The following PLXDC2 variants were observed in gnomAD, a reference collection of about 807,000 sequenced individuals.
The protein encoded by PLXDC2 is plexin domain-containing protein 2.
In PLXDC2, 40 loss-of-function variants were observed where a neutral mutation model predicts 68.9. The observed-to-expected ratio is 0.58, with a 90% CI of 0.45 to 0.76. The LOEUF (loss-of-function observed/expected upper bound fraction) is 0.76. PLXDC2 is among the 30% of genes least tolerant of loss of function. The pLI, the probability that PLXDC2 is intolerant of heterozygous loss-of-function variation, is 0.00. For synonymous variants in PLXDC2, 243 were observed against 234.2 expected (o/e 1.04, Z -0.34); for missense variants, 644 against 661.9 (o/e 0.97, Z 0.30).
chr10:20,174,266 A>G (rs894438469), intron 7 of PLXDC2, among the ~76,000 whole-genome samples: 1 of 151,970 alleles, frequency 6.6e-6, no homozygotes, highest in African/African-American at 2.4e-5. Flanking sequence ...TACTATTTAG[A>G]CACAGACAGA....
intron 6 of PLXDC2, among the ~76,000 whole-genome samples, chr10:20,149,928 T>G (rs1834130676): frequency 6.6e-6 from 1 of 152,180 alleles, no homozygotes; most frequent in Non-Finnish European, 1.5e-5. Context: ...ATTCTTTTAA[T>G]TAATAGAGTT....
intron 4 of PLXDC2, among the ~76,000 whole-genome samples, chr10:20,141,568 T>A (rs866817932): frequency 3.3e-5 from 5 of 152,050 alleles, no homozygotes; most frequent in South Asian, 4.1e-4. Context: ...AATTCAAACA[T>A]TTCTCTTCAG....
intron 1 of PLXDC2, among the ~76,000 whole-genome samples, chr10:19,983,992 C>T (rs1017988183): frequency 6.6e-6 from 1 of 152,192 alleles, no homozygotes; most frequent in African/African-American, 2.4e-5. Flanking sequence ...GGTGATACGT[C>T]AGTTTAAATG....
At chr10:20,018,381 T>C (rs12770092) in intron 2 of PLXDC2, among the ~76,000 whole-genome samples, 26,813 of 152,216 alleles carry the variant, frequency 0.18, 2,582 homozygotes, top group Non-Finnish European at 0.22. Context: ...CCTATACTTA[T>C]TTTATTTAAG....
At chr10:19,908,901 T>A (rs1364814155) in intron 1 of PLXDC2, among the ~76,000 whole-genome samples, 1 of 152,208 alleles carries the variant, frequency 6.6e-6, no homozygotes, top group Non-Finnish European at 1.5e-5. Context: ...TGAGCATTGC[T>A]ATATTAAGAC....
At chr10:20,226,383 G>A (rs1180139106) in intron 12 of PLXDC2, among the ~76,000 whole-genome samples, 1 of 152,160 alleles carries the variant, frequency 6.6e-6, no homozygotes, top group African/African-American at 2.4e-5. Flanking sequence ...GTGTGGCCCA[G>A]GGAGGCCAAA....
At chr10:20,108,140 A>C (rs567286828) in intron 4 of PLXDC2, among the ~76,000 whole-genome samples, 1 of 152,312 alleles carries the variant, frequency 6.6e-6, no homozygotes, top group Admixed American at 6.5e-5. Flanking sequence ...TTGAATGAAA[A>C]ATCCGTCGGC....
intron 13 of PLXDC2, among the ~76,000 whole-genome samples, chr10:20,264,802 CTGGA>C (rs1245226911): frequency 6.6e-6 from 1 of 151,724 alleles, no homozygotes; most frequent in Non-Finnish European, 1.5e-5. Flanking sequence ...GCTTCAACAT[CTGGA>C]TAATAGGAAA....
chr10:20,188,787 A>G (rs1466430300), intron 9 of PLXDC2, among the ~76,000 whole-genome samples: 2 of 151,832 alleles, frequency 1.3e-5, no homozygotes, highest in Non-Finnish European at 1.5e-5. Context: ...TAAATAAATC[A>G]GAAGATTTTA....
At chr10:20,244,713 T>C (rs966276280) in intron 12 of PLXDC2, among the ~76,000 whole-genome samples, 1 of 152,150 alleles carries the variant, frequency 6.6e-6, no homozygotes, top group Admixed American at 6.6e-5. Flanking sequence ...ACTTTGGTGG[T>C]TTAATGAGAA....
rs936962004 is a variant in PLXDC2 at position 20,287,202 on chromosome 10, C to G, written c.*7383C>G. 2.6e-5 allele frequency: 4 copies of G among 152,228 alleles called. No individual in the cohort carries two copies. Among genetic ancestry groups the G allele is most frequent in the Non-Finnish European group, 5.9e-5 (4 of 68,082 alleles). 9.4% of individuals were successfully genotyped at this position (152,228 alleles called of 1,614,324 possible). On this transcript the variant is annotated 3_prime_UTR_variant, in exon 14 of 14. Transcript: ENST00000377252. Reference sequence around the variant, plus strand: ...TAGTCTAAAATGCAGCCATCACCCCCCATACCTCTTCTATGGCATTCATCC... The same window carrying G: ...TAGTCTAAAATGCAGCCATCACCCCGCATACCTCTTCTATGGCATTCATCC...
intron 1 of PLXDC2, among the ~76,000 whole-genome samples, chr10:19,932,962 G>A (rs1272560187): frequency 6.6e-6 from 1 of 152,172 alleles, no homozygotes; most frequent in Non-Finnish European, 1.5e-5. Flanking sequence ...CTTTTATCTA[G>A]GACACTCTTG....
chr10:19,843,791 G>A (rs1245177061), intron 1 of PLXDC2, among the ~76,000 whole-genome samples: 2 of 152,030 alleles, frequency 1.3e-5, no homozygotes, highest in African/African-American at 4.8e-5. Context: ...TGGTAAAGGG[G>A]GATAAAGAGA....
In PLXDC2 at chr10:20,282,512, T is replaced by A. The variant is rs1588560461; in HGVS notation, c.*2693T>A. 6.6e-6 allele frequency: 1 copy of A among 152,148 alleles called. No individual in the cohort carries two copies. Among genetic ancestry groups the A allele is most frequent in the Non-Finnish European group, 1.5e-5 (1 of 68,006 alleles). The allele number at this position is 152,148 out of a possible 1,614,324, so 9.4% of individuals were successfully genotyped here. A position where few individuals can be genotyped will look rare whatever the true frequency, so the allele number is the denominator to read the frequency against. On this transcript the variant is annotated 3_prime_UTR_variant, in exon 14 of 14. Transcript: ENST00000377252. The stretch of plus-strand genomic sequence containing the variant: ...CAGATAAATGGTGCTACAGAGGAAT[T>A]TAGTTATTTCAGCTTAATTATTTGT...
rs1554780151 is a variant in PLXDC2, at chr10:20,270,041, A to ATTAAAT, written c.1474-9661_1474-9660insTAAATT. Among the ~76,000 whole-genome samples the ATTAAAT allele has an allele frequency of 8.7e-4, 132 of 151,566 alleles. 1 individual carries two copies. Among genetic ancestry groups the ATTAAAT allele is most frequent in the African/African-American group, 2.3e-3 (96 of 41,316 alleles). On this transcript the variant is annotated intron_variant, in intron 13 of 13. Transcript: ENST00000377252. ...AAAAAATAAAATAAAATAAAATAAA[A>ATTAAAT]TAAAATAAAATAAAAAAGAAGTGGG...
At chr10:20,030,387 G>T (rs1835482779) in intron 2 of PLXDC2, among the ~76,000 whole-genome samples, 1 of 152,172 alleles carries the variant, frequency 6.6e-6, no homozygotes, top group African/African-American at 2.4e-5. Context: ...GTACCTTGTA[G>T]GCAATGCCTC....
At chr10:20,111,707 C>A (rs1422882966) in intron 4 of PLXDC2, among the ~76,000 whole-genome samples, 1 of 152,102 alleles carries the variant, frequency 6.6e-6, no homozygotes, top group African/African-American at 2.4e-5. Flanking sequence ...TCCCAAGATG[C>A]GAGTCTCACG....
At chr10:20,211,554 T>C (rs1308768426) in intron 9 of PLXDC2, 115 bp from the exon 10 acceptor site, 2 of 856,614 alleles carry the variant, frequency 2.3e-6, no homozygotes, top group Middle Eastern at 2.3e-4. Flanking sequence ...GTTAATGTTA[T>C]GCTAAACTGA....
chr10:19,834,645 T>C (rs1262506056), intron 1 of PLXDC2, among the ~76,000 whole-genome samples: 1 of 152,220 alleles, frequency 6.6e-6, no homozygotes, highest in Admixed American at 6.5e-5. Flanking sequence ...GCTCAAGATG[T>C]AATTGTTTCG....
Sources: allele counts gnomAD v4.1 joint callset (sites outside exome capture counted in the v4.1 genomes callset), GRCh38; gene constraint gnomAD v4.1.1; transcripts MANE v1.5; gene names NCBI Gene and HGNC (gene_info 2026-07-23, HGNC 2026-07-21).